PPCDC: variants seen among roughly 807,000 people sequenced by gnomAD.
PPCDC encodes the protein phosphopantothenoylcysteine decarboxylase.
PPCDC carries 20 observed loss-of-function variants against 20.7 expected under a neutral mutation model. That is an observed-to-expected ratio of 0.97 (90% CI 0.68 to 1.41). PPCDC has a LOEUF of 1.41. PPCDC is among the 40% of genes most tolerant of loss of function. The probability of loss-of-function intolerance (pLI) is 0.00; values close to 1 mark genes in which losing one functional copy is unlikely to be tolerated. For synonymous variants in PPCDC, 88 were observed against 100.3 expected (o/e 0.88, Z 0.73); for missense variants, 246 against 263.8 (o/e 0.93, Z 0.47).
intron 4 of PPCDC, among the ~76,000 whole-genome samples, chr15:75,046,868 G>A (rs181670011): frequency 1.3e-3 from 198 of 152,380 alleles, no homozygotes; most frequent in African/African-American, 4.6e-3. Flanking sequence ...GCCCATTTGT[G>A]CTAAACAGGC....
Position 75,039,481 on chromosome 15 carries a change from T to TG in PPCDC, c.136-3954dup, listed in dbSNP as rs370447128. ...GGCTGCCTTGGGTGGGAAGAAGACC[T>TG]GGGGGGACTTTAGCTGTTCCTTCTA... On this transcript the variant is annotated intron_variant, in intron 2 of 5. Coordinates refer to ENST00000342932, the MANE Select transcript of PPCDC (RefSeq NM_021823.5). 1.4e-3 allele frequency among the ~76,000 whole-genome samples: 213 copies of TG among 152,286 alleles called. 3 individuals are homozygous for TG. Among genetic ancestry groups the TG allele is most frequent in the African/African-American group, 4.8e-3 (201 of 41,556 alleles).
intron 4 of PPCDC, among the ~76,000 whole-genome samples, chr15:75,046,089 C>T (rs930047649): frequency 1.3e-5 from 2 of 152,020 alleles, no homozygotes; most frequent in African/African-American, 4.8e-5. Flanking sequence ...TGGTGCATGC[C>T]TGTGGTCCCC....
At chr15:75,045,192 C>T (rs939798291) in intron 4 of PPCDC, 29 of 153,142 alleles carry the variant, frequency 1.9e-4, no homozygotes, top group African/African-American at 7.0e-4. Flanking sequence ...GATTTCTCTC[C>T]TCCTTCTCCC....
chr15:75,025,798 A>G (rs1567043453), intron 1 of PPCDC, among the ~76,000 whole-genome samples: 1 of 152,124 alleles, frequency 6.6e-6, no homozygotes, highest in Non-Finnish European at 1.5e-5. Context: ...TTGGAATTTG[A>G]TCCTCTTTGC....
At chr15:75,025,260 G>A (rs541730225) in intron 1 of PPCDC, among the ~76,000 whole-genome samples, 4 of 152,164 alleles carry the variant, frequency 2.6e-5, no homozygotes, top group Admixed American at 6.5e-5. Context: ...AAGGATTCAG[G>A]CTCATAATGG....
intron 2 of PPCDC, among the ~76,000 whole-genome samples, chr15:75,030,974 G>A (rs2066013776): frequency 6.6e-6 from 1 of 152,172 alleles, no homozygotes; most frequent in African/African-American, 2.4e-5. Flanking sequence ...AGGGAGAGTA[G>A]TCACTAGCAG....
At chr15:75,028,197 AT>A in intron 1 of PPCDC, 49 bp from the exon 2 acceptor site, 1 of 1,347,496 alleles carries the variant, frequency 7.4e-7, no homozygotes, top group Non-Finnish European at 1.0e-6. Context: ...TGCTCCATAC[AT>A]TCTGGTCGAC....
intron 2 of PPCDC, among the ~76,000 whole-genome samples, chr15:75,042,204 T>C (rs909373998): frequency 2.0e-5 from 3 of 152,232 alleles, no homozygotes; most frequent in Non-Finnish European, 4.4e-5. Flanking sequence ...CTTGTCACCC[T>C]TGACTTTTCT....
At chr15:75,045,761 A>G (rs958854710) in intron 4 of PPCDC, among the ~76,000 whole-genome samples, 3 of 152,082 alleles carry the variant, frequency 2.0e-5, no homozygotes, top group Non-Finnish European at 2.9e-5. Context: ...GGCTTTCCCT[A>G]TAGTCCCAGC....
At chr15:75,044,650 C>T in intron 4 of PPCDC, 136 bp downstream of exon 4, 1 of 1,220,588 alleles carries the variant, frequency 8.2e-7, no homozygotes, top group Non-Finnish European at 1.1e-6. Flanking sequence ...CGCCATTCCC[C>T]ACATCGCCCC....
chr15:75,045,940 G>A (rs952572017), intron 4 of PPCDC, among the ~76,000 whole-genome samples: 1 of 151,670 alleles, frequency 6.6e-6, no homozygotes, highest in Admixed American at 6.6e-5. Context: ...GCTAGGCATG[G>A]TGCCTCATGC....
intron 2 of PPCDC, among the ~76,000 whole-genome samples, chr15:75,035,963 CAAAAAAAAAA>C (rs11306068): frequency 3.8e-5 from 4 of 105,098 alleles, no homozygotes; most frequent in Admixed American, 2.9e-4. Flanking sequence ...GACTGTGTCT[CAAAAAAAAAA>C]AAAAAAAAAA....
chr15:75,027,289 T>G (rs1376475354), intron 1 of PPCDC, among the ~76,000 whole-genome samples: 2 of 152,164 alleles, frequency 1.3e-5, no homozygotes, highest in African/African-American at 4.8e-5. Flanking sequence ...CGGTCCTCAG[T>G]GATGGTTGCT....
Position 75,028,445 on chromosome 15 carries a change from A to T in PPCDC, c.127A>T (p.Ile43Phe). Residue 43 changes from isoleucine to phenylalanine, a missense_variant, in exon 2 of 6, where the codon ATT (isoleucine) becomes TTT (phenylalanine). Around this residue, in one of 2 missense-constraint regions of PPCDC, gnomAD observed 225 missense variants for 222.6 expected, o/e 1.01. Coordinates refer to ENST00000342932, the MANE Select transcript of PPCDC (RefSeq NM_021823.5). ...LPLLVSKLLD[I>F]PGLEVAVVTT... Reference sequence around the variant, plus strand: ...TCTTCTGGTGTCAAAGCTTTTGGACATTCCTGGGGTGAGTATCCTCACCAG... The same window carrying T: ...TCTTCTGGTGTCAAAGCTTTTGGACTTTCCTGGGGTGAGTATCCTCACCAG... The T allele has an allele frequency of 6.2e-7, 1 of 1,614,202 alleles. No homozygotes were observed. The highest frequency in any genetic ancestry group is 1.7e-4 in the Middle Eastern group (1 of 6,052).
At position 75,043,493 on chromosome 15, in the gene PPCDC, A is replaced by G. The variant is rs770407868; in HGVS notation, c.188A>G (p.Gln63Arg). 1.2e-6 allele frequency: 2 copies of G among 1,612,958 alleles called. No homozygotes were observed. Among genetic ancestry groups the G allele is most frequent in the South Asian group, 1.1e-5 (1 of 90,768 alleles). Residue 63 changes from glutamine to arginine, a missense_variant, in exon 3 of 6, where the codon CAG becomes CGG. By Grantham distance (43) the Gln-to-Arg change is conservative. This residue lies in a region of PPCDC where 225 missense variants were observed against 222.6 expected (regional missense o/e 1.01). Coordinates refer to ENST00000342932, the MANE Select transcript of PPCDC (RefSeq NM_021823.5). ...TERAKHFYSPQDIPVTLYSDA... is the reference protein window; with the variant it reads ...TERAKHFYSPRDIPVTLYSDA... Reference sequence around the variant, plus strand: ...AGAGCCAAACATTTCTACAGCCCCCAGGACATTCCTGTCACCCTCTACAGC... The same window carrying G: ...AGAGCCAAACATTTCTACAGCCCCCGGGACATTCCTGTCACCCTCTACAGC...
At chr15:75,048,346 A>G (rs2066265434) in intron 4 of PPCDC, among the ~76,000 whole-genome samples, 1 of 152,172 alleles carries the variant, frequency 6.6e-6, no homozygotes, top group Non-Finnish European at 1.5e-5. Context: ...TCCTGTTTGT[A>G]GGATCCTGTG....
At chr15:75,028,577 G>A in intron 2 of PPCDC, 124 bp downstream of exon 2, 1 of 1,379,214 alleles carries the variant, frequency 7.3e-7, no homozygotes, top group Non-Finnish European at 1.0e-6. Context: ...TCATGCTTGT[G>A]GAGGTCCTGT....
intron 4 of PPCDC, among the ~76,000 whole-genome samples, chr15:75,048,192 C>G (rs1489561134): frequency 6.6e-6 from 1 of 152,182 alleles, no homozygotes; most frequent in Admixed American, 6.5e-5. Flanking sequence ...ACCTGAGGAG[C>G]AGCCTGGTCC....
At chr15:75,034,805 T>A (rs2066065993) in intron 2 of PPCDC, among the ~76,000 whole-genome samples, 1 of 152,116 alleles carries the variant, frequency 6.6e-6, no homozygotes, top group Admixed American at 6.5e-5. Context: ...TTTAGAATCC[T>A]CCTTGGTCTC....
Sources: gnomAD v4.1 joint callset for allele counts (sites outside exome capture counted in the v4.1 genomes callset) on GRCh38, gnomAD v4.1.1 for gene constraint, gnomAD v4.1.1 regional missense constraint, MANE v1.5 for transcripts, NCBI Gene and HGNC (gene_info 2026-07-23, HGNC 2026-07-21) for gene names.